The following QTMAN variants were observed in gnomAD, a reference collection of about 807,000 sequenced individuals.
The protein encoded by QTMAN is tRNA-queuosine alpha-mannosyltransferase.
the QTMAN span, among the ~76,000 whole-genome samples, chr2:144,015,653 A>T: frequency 6.6e-6 from 1 of 152,202 alleles, no homozygotes; most frequent in Non-Finnish European, 1.5e-5. Flanking sequence ...CCTTAATTCA[A>T]TGGAAGTAAT....
At chr2:144,295,954 C>T in the QTMAN span, among the ~76,000 whole-genome samples, 9 of 152,160 alleles carry the variant, frequency 5.9e-5, no homozygotes, top group Middle Eastern at 3.4e-3. Flanking sequence ...TTTTCGGTAA[C>T]TTTTAGCTAC....
the QTMAN span, among the ~76,000 whole-genome samples, chr2:144,197,489 T>C: frequency 2.0e-5 from 3 of 152,108 alleles, no homozygotes; most frequent in Admixed American, 6.6e-5. Context: ...GCCAATGTAA[T>C]GAGTAAATAT....
the QTMAN span, among the ~76,000 whole-genome samples, chr2:144,019,435 G>GGGGTGTGTGTGTGTGTGT: frequency 6.3e-4 from 74 of 117,268 alleles, no homozygotes; most frequent in Non-Finnish European, 9.4e-4. Flanking sequence ...TAAGCATGCA[G>GGGGTGTGTGTGTGTGTGT]GTGTGTGTGT....
chr2:144,295,964 C>T, the QTMAN span, among the ~76,000 whole-genome samples: 4 of 152,104 alleles, frequency 2.6e-5, no homozygotes, highest in Non-Finnish European at 4.4e-5. Context: ...CTTTTAGCTA[C>T]ACAATACACA....
chr2:144,038,800 A>G, the QTMAN span, among the ~76,000 whole-genome samples: 1 of 152,358 alleles, frequency 6.6e-6, no homozygotes, highest in East Asian at 1.9e-4. Flanking sequence ...ATTTAAGATT[A>G]AAATTAAGGG....
the QTMAN span, among the ~76,000 whole-genome samples, chr2:144,249,074 G>A: frequency 1.3e-5 from 2 of 152,208 alleles, no homozygotes; most frequent in African/African-American, 2.4e-5. Flanking sequence ...TTATGTGAGT[G>A]TAGGATTTCC....
At chr2:144,022,876 T>C in the QTMAN span, among the ~76,000 whole-genome samples, 2 of 152,182 alleles carry the variant, frequency 1.3e-5, no homozygotes, top group African/African-American at 4.8e-5. Context: ...CAATTCTCTC[T>C]TTATCAATGT....
chr2:144,093,018 A>G, the QTMAN span, among the ~76,000 whole-genome samples: 1 of 152,124 alleles, frequency 6.6e-6, no homozygotes, highest in Non-Finnish European at 1.5e-5. Flanking sequence ...TGGGACAGCA[A>G]GGAAAAAAAT....
chr2:144,137,129 A>G, the QTMAN span, among the ~76,000 whole-genome samples: 1 of 152,208 alleles, frequency 6.6e-6, no homozygotes, highest in African/African-American at 2.4e-5. Context: ...AACACAGCTC[A>G]TGCACATCTT....
the QTMAN span, among the ~76,000 whole-genome samples, chr2:144,326,696 A>C: frequency 6.6e-6 from 1 of 152,024 alleles, no homozygotes; most frequent in Non-Finnish European, 1.5e-5. Context: ...GGCTTCCCAC[A>C]CTGATAACAG....
At chr2:144,136,812 C>A in the QTMAN span, among the ~76,000 whole-genome samples, 1 of 152,104 alleles carries the variant, frequency 6.6e-6, no homozygotes, top group Admixed American at 6.6e-5. Context: ...ACAAAATAGT[C>A]TTTTGCAATA....
the QTMAN span, among the ~76,000 whole-genome samples, chr2:144,012,177 C>G: frequency 6.6e-6 from 1 of 152,018 alleles, no homozygotes; most frequent in African/African-American, 2.4e-5. Context: ...CACCTCTGTC[C>G]GCCAGTATGG....
At chr2:144,007,506 A>G in the QTMAN span, 4 of 1,600,262 alleles carry the variant, frequency 2.5e-6, no homozygotes, top group Admixed American at 1.7e-5. Flanking sequence ...CATCTTCTTT[A>G]AATGGGTTGT....
chr2:144,312,227 T>C, the QTMAN span, among the ~76,000 whole-genome samples: 1 of 151,298 alleles, frequency 6.6e-6, no homozygotes, highest in Non-Finnish European at 1.5e-5. Flanking sequence ...CTCACTATGT[T>C]GCCCAGGCTG....
chr2:144,279,013 G>A, the QTMAN span, among the ~76,000 whole-genome samples: 1 of 152,152 alleles, frequency 6.6e-6, no homozygotes, highest in Non-Finnish European at 1.5e-5. Flanking sequence ...GATGTAGGGA[G>A]ATTAAGAACT....
the QTMAN span, among the ~76,000 whole-genome samples, chr2:144,010,451 T>G: frequency 7.4e-4 from 113 of 151,970 alleles, 1 homozygote; most frequent in Non-Finnish European, 1.2e-3. Flanking sequence ...CTCACAAAAT[T>G]GAAACAAATC....
chr2:144,218,833 ACTGGATTTAGT>A, the QTMAN span, among the ~76,000 whole-genome samples: 1 of 151,262 alleles, frequency 6.6e-6, no homozygotes, highest in Non-Finnish European at 1.5e-5. Flanking sequence ...CTGGATTTAG[ACTGGATTTAGT>A]CACTTCTAAT....
At chr2:144,201,496 A>G in the QTMAN span, among the ~76,000 whole-genome samples, 1 of 152,238 alleles carries the variant, frequency 6.6e-6, no homozygotes, top group Non-Finnish European at 1.5e-5. Flanking sequence ...GCAATAGGAA[A>G]TCACGGATGG....
chr2:144,262,033 AAAGT>A, the QTMAN span, among the ~76,000 whole-genome samples: 1 of 152,178 alleles, frequency 6.6e-6, no homozygotes, highest in Non-Finnish European at 1.5e-5. Context: ...AACAAAATGG[AAAGT>A]AAGATTGTAG....
Sources: allele counts gnomAD v4.1 joint callset (sites outside exome capture counted in the v4.1 genomes callset), GRCh38; gene constraint gnomAD v4.1.1; transcripts MANE v1.5; gene names NCBI Gene and HGNC (gene_info 2026-07-23, HGNC 2026-07-21).